The following ELAC2 variants were observed in gnomAD, a reference collection of about 807,000 sequenced individuals.
ELAC2 encodes elaC ribonuclease Z 2, also known as zinc phosphodiesterase ELAC protein 2.
Under a neutral mutation model 105.2 loss-of-function variants are expected in ELAC2, and 92 were observed. The observed-to-expected ratio is 0.87, with a 90% CI of 0.74 to 1.04. The LOEUF (loss-of-function observed/expected upper bound fraction) is 1.04, where lower values mean the gene tolerates loss of function less well. ELAC2 is among the 50% of genes least tolerant of loss of function. ELAC2 has a pLI of 0.00. For missense variants in ELAC2, 1,099 were observed against 1,071.7 expected (o/e 1.03, Z -0.36); for synonymous variants, 468 against 409.1 (o/e 1.14, Z -1.74).
At chr17:13,014,369 T>C (rs1425737281) in intron 5 of ELAC2, 70 bp downstream of exon 5, 3 of 1,178,960 alleles carry the variant, frequency 2.5e-6, no homozygotes, top group Non-Finnish European at 3.8e-6. Flanking sequence ...TTTTAATGGA[T>C]TCTAATTTGA....
At position 13,002,312 on chromosome 17, in the gene ELAC2, G is replaced by A. The variant is rs764718395; in HGVS notation, c.1266C>T (p.Leu422=). 16 of 1,614,088 alleles carry A rather than the reference G, an allele frequency of 9.9e-6. No individual in the cohort carries two copies. In the South Asian group the frequency reaches 1.1e-4, roughly 11 times the overall value. Residue 422 remains leucine, a synonymous_variant, in exon 14 of 24, where the codon CTC becomes CTT. Coordinates refer to ENST00000338034, the MANE Select transcript of ELAC2 (RefSeq NM_018127.7). ...LSVPMVQGEC[L]LKYQLRPRRE... ...TCCTGGGACGGAGCTGGTACTTGAG[G>A]AGGCATTCACCCTGAACCATGGGCA... is the stretch of plus-strand genomic sequence containing the variant.
At chr17:12,995,642 G>C (rs530392281) in intron 19 of ELAC2, 61 bp downstream of exon 19, 33 of 1,505,112 alleles carry the variant, frequency 2.2e-5, no homozygotes, top group Non-Finnish European at 2.9e-5. Flanking sequence ...TCCACCTTGA[G>C]CTTCTGAAGG....
Position 13,001,518 on chromosome 17 carries a change from AAAT to A in ELAC2, c.1304+753_1304+755del, listed in dbSNP as rs2040811456. On this transcript the variant is annotated intron_variant, in intron 14 of 23. Coordinates refer to ENST00000338034, the MANE Select transcript of ELAC2 (RefSeq NM_018127.7). ...AAAAAAATAAATAAATAAATAAAATAAATAAATTAATTAATTAAAATAAAGATG... is the reference window on the plus strand; with the variant it reads ...AAAAAAATAAATAAATAAATAAAATAAAATTAATTAATTAAAATAAAGATG... 8.0e-5 allele frequency among the ~76,000 whole-genome samples: 12 copies of A among 149,586 alleles called. No individual in the cohort carries two copies. The South Asian group carries it at 2.5e-3, about 31-fold the overall frequency.
intron 1 of ELAC2, 179 bp from the exon 2 acceptor site, chr17:13,017,300 T>C: frequency 1.0e-5 from 7 of 693,944 alleles, no homozygotes; most frequent in Non-Finnish European, 1.7e-5. Flanking sequence ...TTAGCAGAGG[T>C]GGAGAGGAGT....
intron 15 of ELAC2, 30 bp from the exon 16 acceptor site, chr17:12,998,538 T>G: frequency 6.3e-7 from 1 of 1,594,652 alleles, no homozygotes; most frequent in East Asian, 2.2e-5. Flanking sequence ...AAACAATCCA[T>G]TCCTTTGGGT....
At chr17:13,016,760 A>G (rs1470838760) in intron 3 of ELAC2, 102 bp downstream of exon 3, 1 of 1,176,718 alleles carries the variant, frequency 8.5e-7, no homozygotes, top group African/African-American at 1.6e-5. Flanking sequence ...AAAAAAAAAA[A>G]AAAAAAAGTA....
At chr17:13,008,471 C>A (rs1448893825) in intron 8 of ELAC2, among the ~76,000 whole-genome samples, 1 of 152,062 alleles carries the variant, frequency 6.6e-6, no homozygotes, top group East Asian at 1.9e-4. Flanking sequence ...AAGATCGCAC[C>A]ACTGCACTCC....
chr17:13,016,292 G>A (rs944371228), intron 3 of ELAC2, among the ~76,000 whole-genome samples: 2 of 152,230 alleles, frequency 1.3e-5, no homozygotes, highest in South Asian at 4.1e-4. Context: ...GGCTGCCAAT[G>A]TGCCAATGGC....
Position 12,992,126 on chromosome 17 carries a change from AT to A in ELAC2, c.*691del, listed in dbSNP as rs200364637. On this transcript the variant is annotated 3_prime_UTR_variant, in exon 24 of 24. Transcript: ENST00000338034. ...AGCCCAGCCAGGCTCTCACTGATTG[AT>A]TTGATTGATTGATTGATTGATTGAT... 1.1e-3 allele frequency among the ~76,000 whole-genome samples: 153 copies of A among 135,640 alleles called. No individual in the cohort carries two copies. Among genetic ancestry groups the A allele is most frequent in the Non-Finnish European group, 1.9e-3 (114 of 60,490 alleles). The allele number at this position is 135,640 out of a possible 152,430, so 89.0% of individuals were successfully genotyped here.
chr17:12,993,739 A>G lies in ELAC2; in HGVS notation c.2201T>C (p.Leu734Pro). ...HFSQRYAKVPLFSPNFSEKVG... is the reference protein window; with the variant it reads ...HFSQRYAKVPPFSPNFSEKVG... ...TTTCTCGCTGAAGTTGGGGCTGAAG[A>G]GGGGGACCTTGGCATAGCGCTGGCT... The change falls in exon 23 of 24, where the codon CTC (leucine) becomes CCC (proline). Residue 734 changes from leucine (L) to proline (P), a missense_variant. Coordinates refer to ENST00000338034, the MANE Select transcript of ELAC2 (RefSeq NM_018127.7). The G allele has an allele frequency of 6.2e-7, 1 of 1,614,124 alleles. No individual in the cohort carries two copies. Among genetic ancestry groups the G allele is most frequent in the Non-Finnish European group, 8.5e-7 (1 of 1,180,022 alleles).
Position 13,018,006 on chromosome 17 carries a change from G to C in ELAC2, c.-59C>G, listed in dbSNP as rs1231579246. ...GGTCACCTACGCCCGCGTTTCCCGT[G>C]CACCACCTAGCCGCTCCGCATGGCG... On this transcript the variant is annotated 5_prime_UTR_variant, in exon 1 of 24. Transcript: ENST00000338034. 3.9e-6 allele frequency: 6 copies of C among 1,533,046 alleles called. No individual in the cohort carries two copies. In the South Asian group the frequency reaches 7.2e-5, roughly 18 times the overall value. The allele number at this position is 1,533,046 out of a possible 1,614,324, so 95.0% of individuals were successfully genotyped here. A position where few individuals can be genotyped will look rare whatever the true frequency, so the allele number is the denominator to read the frequency against.
In ELAC2 at chr17:13,011,856, A is replaced by G. The variant is rs557685715; in HGVS notation, c.560-74T>C. 1.0e-4 allele frequency: 169 copies of G among 1,610,924 alleles called. 1 individual carries two copies. The African/African-American group carries it at 1.7e-3, about 16-fold the overall frequency. Reference sequence around the variant, plus strand: ...ACAGCCAAGGCCCAGACGTTCATACATGGGAATGCCAGAACGCCAATTAAA... The same window carrying G: ...ACAGCCAAGGCCCAGACGTTCATACGTGGGAATGCCAGAACGCCAATTAAA... On this transcript the variant is annotated intron_variant, in intron 6 of 23. Coordinates refer to ENST00000338034, the MANE Select transcript of ELAC2 (RefSeq NM_018127.7).
chr17:13,017,209 GA>G lies in ELAC2; in HGVS notation c.246-89del, dbSNP rs932378885. The G allele has an allele frequency of 0.043, 37,038 of 865,086 alleles. 15 individuals carry two copies. Among genetic ancestry groups the G allele is most frequent in the African/African-American group, 0.049 (2,656 of 54,576 alleles). The allele number at this position is 865,086 out of a possible 1,614,324, so 53.6% of individuals were successfully genotyped here. A position where few individuals can be genotyped will look rare whatever the true frequency, so the allele number is the denominator to read the frequency against. ...ATTAGATGTTTTATTGTAGACTCTG[GA>G]AAAAAAAAAAAGAAAAAAAAATTAA... On this transcript the variant is annotated intron_variant, in intron 1 of 23. Coordinates refer to ENST00000338034, the MANE Select transcript of ELAC2 (RefSeq NM_018127.7).
At chr17:13,003,422 G>C (rs745976663) in intron 12 of ELAC2, 57 bp downstream of exon 12, 5 of 1,502,778 alleles carry the variant, frequency 3.3e-6, no homozygotes, top group South Asian at 1.2e-5. Flanking sequence ...GGAGGAAAGG[G>C]GAATCCACCA....
intron 4 of ELAC2, among the ~76,000 whole-genome samples, chr17:13,015,235 G>A (rs1364474029): frequency 6.6e-6 from 1 of 152,214 alleles, no homozygotes; most frequent in Non-Finnish European, 1.5e-5. Context: ...CAGAAATAAG[G>A]AAGGCCTCAA....
intron 20 of ELAC2, 38 bp downstream of exon 20, chr17:12,994,925 C>T (rs769714104): frequency 4.9e-5 from 79 of 1,614,004 alleles, no homozygotes; most frequent in South Asian, 1.6e-4. Context: ...CTCTGCTCCC[C>T]ACCTCGCCCC....
Position 13,017,117 on chromosome 17 carries a change from G to A in ELAC2, c.250C>T (p.Leu84Phe), listed in dbSNP as rs371532624. 2 of 1,613,114 alleles carry A rather than the reference G, an allele frequency of 1.2e-6. No individual in the cohort carries two copies. The highest frequency in any genetic ancestry group is 2.7e-5 in the African/African-American group (2 of 74,638). Residue 84 changes from leucine to phenylalanine, a missense_variant, in exon 2 of 24, where the codon CTC becomes TTC. Transcript: ENST00000338034. ...TGAACGCCTTCTCCACAGTTGAAGA[G>A]ATACCTACAAGACAAACATTACACA... ...LYVFSEFNRYLFNCGEGVQRL... is the reference protein window; with the variant it reads ...LYVFSEFNRYFFNCGEGVQRL...
chr17:13,003,614 C>T, intron 11 of ELAC2, 40 bp from the exon 12 acceptor site: 1 of 1,577,284 alleles, frequency 6.3e-7, no homozygotes, highest in South Asian at 1.1e-5. Context: ...GATGCAGACT[C>T]AGGACACACC....
chr17:13,003,442 A>C, intron 12 of ELAC2, 37 bp downstream of exon 12: 27 of 1,586,190 alleles, frequency 1.7e-5, no homozygotes, highest in Non-Finnish European at 2.2e-5. Flanking sequence ...ACTGCCCAGA[A>C]GAGTTACCCC....
Sources: allele counts gnomAD v4.1 joint callset (sites outside exome capture counted in the v4.1 genomes callset), GRCh38; gene constraint gnomAD v4.1.1; transcripts MANE v1.5; gene names NCBI Gene and HGNC (gene_info 2026-07-23, HGNC 2026-07-21).